The following CCDC30 variants were observed in gnomAD, a reference collection of about 807,000 sequenced individuals.
The protein encoded by CCDC30 is coiled-coil domain-containing protein 30.
CCDC30 carries 70 observed loss-of-function variants against 100.2 expected under a neutral mutation model. That is an observed-to-expected ratio of 0.70 (90% CI 0.58 to 0.85). The LOEUF (loss-of-function observed/expected upper bound fraction) is 0.85, where lower values mean the gene tolerates loss of function less well. CCDC30 is among the 40% of genes least tolerant of loss of function. CCDC30 has a pLI of 0.00. For missense variants in CCDC30, 652 were observed against 771.2 expected, an observed-to-expected ratio of 0.85 and a Z score of 1.83; for synonymous variants, 233 against 269.5, an observed-to-expected ratio of 0.86 and a Z score of 1.33.
At chr1:42,538,552 A>G (rs1388523798) in intron 6 of CCDC30, among the ~76,000 whole-genome samples, 1 of 152,086 alleles carries the variant, frequency 6.6e-6, no homozygotes, top group Non-Finnish European at 1.5e-5. Context: ...CCATGATCAC[A>G]CCTGTAAATA....
At chr1:42,607,044 T>A (rs898181779) in intron 10 of CCDC30, among the ~76,000 whole-genome samples, 2 of 152,184 alleles carry the variant, frequency 1.3e-5, no homozygotes, top group Admixed American at 6.5e-5. Context: ...GATTCTAATA[T>A]GACTCAAGAA....
intron 12 of CCDC30, among the ~76,000 whole-genome samples, chr1:42,639,488 C>G (rs1647244548): frequency 6.6e-6 from 1 of 152,148 alleles, no homozygotes; most frequent in African/African-American, 2.4e-5. Flanking sequence ...ATGCACCTAC[C>G]CAAAGAACCA....
chr1:42,619,580 G>C (rs1161207684), intron 11 of CCDC30, among the ~76,000 whole-genome samples: 1 of 151,136 alleles, frequency 6.6e-6, no homozygotes, highest in Non-Finnish European at 1.5e-5. Context: ...TAAGGGAAGG[G>C]GAGAAGAGGA....
At chr1:42,574,434 A>C (rs1457123770) in intron 7 of CCDC30, among the ~76,000 whole-genome samples, 1 of 151,984 alleles carries the variant, frequency 6.6e-6, no homozygotes, top group Admixed American at 6.5e-5. Context: ...ATTTTAACAA[A>C]GGTAGCTTTT....
Position 42,632,394 on chromosome 1 carries a change from G to A in CCDC30, c.1278-4843G>A, listed in dbSNP as rs541692391. On this transcript the variant is annotated intron_variant, in intron 11 of 16. Coordinates refer to ENST00000668663, the Ensembl canonical transcript of CCDC30. ...AGGCAGGAGAATTGCTTGAACCTGC[G>A]AGGTGGAGGTTGCAGTGAGCCAAGA... Among the ~76,000 whole-genome samples, 55 of 152,130 alleles carry A rather than the reference G, an allele frequency of 3.6e-4. No individual in the cohort carries two copies. In the South Asian group the frequency reaches 0.01, roughly 28 times the overall value.
chr1:42,462,415 A>G (rs1314647966), upstream of CCDC30, among the ~76,000 whole-genome samples: 1 of 152,168 alleles, frequency 6.6e-6, no homozygotes, highest in East Asian at 1.9e-4. Flanking sequence ...TTTAGTTCAG[A>G]AAAAAACACT....
chr1:42,545,161 T>TAA (rs1557841265), intron 6 of CCDC30, among the ~76,000 whole-genome samples: 2 of 64,934 alleles, frequency 3.1e-5, no homozygotes, highest in African/African-American at 1.2e-4. Context: ...AAAAATACCT[T>TAA]TAAAAAAAAA....
chr1:42,567,921 G>A (rs1328062282), intron 7 of CCDC30, among the ~76,000 whole-genome samples: 1 of 151,890 alleles, frequency 6.6e-6, no homozygotes, highest in East Asian at 1.9e-4. Flanking sequence ...TTCACTGTTT[G>A]TAAAGAGCAT....
Position 42,652,605 on chromosome 1 carries a change from A to C in CCDC30, c.1855-771A>C, listed in dbSNP as rs1648447591. Among the ~76,000 whole-genome samples, 3 of 152,224 alleles carry C rather than the reference A, an allele frequency of 2.0e-5. No individual in the cohort carries two copies. The South Asian group carries it at 6.2e-4, about 32-fold the overall frequency. On this transcript the variant is annotated intron_variant, in intron 15 of 16. Transcript: ENST00000668663. ...AAATATTCATAGCAGCATTATTCAT[A>C]ATAACTAAAAAGTGAAAACAACCCA...
chr1:42,481,824 C>T (rs1178401095), intron 2 of CCDC30, among the ~76,000 whole-genome samples: 1 of 152,064 alleles, frequency 6.6e-6, no homozygotes, highest in African/African-American at 2.4e-5. Context: ...CTGTACATCA[C>T]AGTATTATTT....
At chr1:42,517,601 T>C (rs1644574272) in intron 6 of CCDC30, among the ~76,000 whole-genome samples, 1 of 151,784 alleles carries the variant, frequency 6.6e-6, no homozygotes, top group Non-Finnish European at 1.5e-5. Context: ...TTGTGAATAG[T>C]GTAAGGTAAG....
chr1:42,571,889 G>A (rs1036238969), intron 7 of CCDC30, among the ~76,000 whole-genome samples: 2 of 152,102 alleles, frequency 1.3e-5, no homozygotes, highest in African/African-American at 4.8e-5. Flanking sequence ...TTTGAACAGA[G>A]GGTTTAACAG....
Position 42,642,616 on chromosome 1 carries a change from G to A in CCDC30, c.1556+7G>A. On this transcript the variant is annotated splice_region_variant and intron_variant, in intron 13 of 16. Transcript: ENST00000668663. ...TATCTTCCATCCAGAGCAGGTAGGT[G>A]CCATCCTGCCTGGGAGCCAATAAAC... The A allele has an allele frequency of 6.4e-7, 1 of 1,564,280 alleles. No homozygotes were observed. Among genetic ancestry groups the A allele is most frequent in the Non-Finnish European group, 8.6e-7 (1 of 1,156,118 alleles).
chr1:42,621,262 C>T (rs925259833), intron 11 of CCDC30, among the ~76,000 whole-genome samples: 1 of 151,984 alleles, frequency 6.6e-6, no homozygotes, highest in African/African-American at 2.4e-5. Context: ...GGTACTCATC[C>T]CCTCAAGCAT....
At chr1:42,613,447 C>G (rs953346803) in intron 11 of CCDC30, among the ~76,000 whole-genome samples, 5 of 151,954 alleles carry the variant, frequency 3.3e-5, no homozygotes, top group Non-Finnish European at 7.4e-5. Flanking sequence ...TTAGTAGAGA[C>G]GGGGTTTCAC....
chr1:42,529,171 A>G (rs1405567378), intron 6 of CCDC30, among the ~76,000 whole-genome samples: 1 of 152,218 alleles, frequency 6.6e-6, no homozygotes, highest in Non-Finnish European at 1.5e-5. Context: ...TAGCAAGTAG[A>G]AATCTTTAAA....
intron 9 of CCDC30, among the ~76,000 whole-genome samples, chr1:42,581,954 G>T (rs60657622): frequency 0.013 from 1,997 of 151,976 alleles, 42 homozygotes; most frequent in African/African-American, 0.046. Flanking sequence ...AGGTGCAGTG[G>T]CTCACACCTG....
rs112429259 is a variant in CCDC30 at position 42,637,485 on chromosome 1, C to T, written c.1419+107C>T. On this transcript the variant is annotated intron_variant, in intron 12 of 16. Coordinates refer to ENST00000668663, the Ensembl canonical transcript of CCDC30. ...TTATTTGAGACCCCTTCATAGTCCTCGTTTTCATTTCTTTTCTTTGCACCA... is the reference window on the plus strand; with the variant it reads ...TTATTTGAGACCCCTTCATAGTCCTTGTTTTCATTTCTTTTCTTTGCACCA... 4.6e-4 allele frequency: 474 copies of T among 1,023,830 alleles called. 3 individuals carry two copies. The African/African-American group carries it at 5.0e-3, about 11-fold the overall frequency. 63.4% of individuals were successfully genotyped at this position (1,023,830 alleles called of 1,614,324 possible). A position where few individuals can be genotyped will look rare whatever the true frequency, so the allele number is the denominator to read the frequency against.
At chr1:42,463,243 C>G (rs549985976), upstream of CCDC30, 3 of 152,402 alleles carry the variant, frequency 2.0e-5, no homozygotes, top group South Asian at 6.2e-4. Flanking sequence ...CTCTATGGTT[C>G]CCGCCGGAAG....
Sources: allele counts gnomAD v4.1 joint callset (sites outside exome capture counted in the v4.1 genomes callset), GRCh38; gene constraint gnomAD v4.1.1; transcripts MANE v1.5; gene names NCBI Gene and HGNC (gene_info 2026-07-23, HGNC 2026-07-21).